CEP152: variants seen among roughly 807,000 people sequenced by gnomAD.
CEP152 encodes the protein centrosomal protein of 152 kDa.
Under a neutral mutation model 188.9 loss-of-function variants are expected in CEP152, and 132 were observed. The observed-to-expected ratio is 0.70, with a 90% CI of 0.61 to 0.81. The LOEUF is 0.81. Ranked by LOEUF, CEP152 falls within the 30% of genes least tolerant of loss-of-function variation. The pLI is 0.00. For missense variants in CEP152, 1,914 were observed against 1,969.8 expected (o/e 0.97, Z 0.54); for synonymous variants, 649 against 666.6 (o/e 0.97, Z 0.41).
At chr15:48,739,709 T>C (rs996103068) in intron 26 of CEP152, among the ~76,000 whole-genome samples, 3 of 152,220 alleles carry the variant, frequency 2.0e-5, no homozygotes, top group African/African-American at 7.2e-5. Context: ...CATACACTTC[T>C]AGAATAGCTA....
chr15:48,788,647 T>C (rs1284683055), intron 9 of CEP152, among the ~76,000 whole-genome samples, 154 bp downstream of exon 9: 1 of 152,040 alleles, frequency 6.6e-6, no homozygotes, highest in Non-Finnish European at 1.5e-5. Context: ...GTCCAGCCAA[T>C]ATCACTGGCT....
chr15:48,771,974 C>T (rs1030835928), intron 13 of CEP152, among the ~76,000 whole-genome samples: 1 of 152,146 alleles, frequency 6.6e-6, no homozygotes, highest in Non-Finnish European at 1.5e-5. Context: ...ACTTTTCCAC[C>T]ACTGTAAAGT....
Position 48,767,436 on chromosome 15 carries a change from A to T in CEP152, c.2046T>A (p.His682Gln). The T allele has an allele frequency of 6.2e-7, 1 of 1,614,146 alleles. No homozygotes were observed. Among genetic ancestry groups the T allele is most frequent in the Non-Finnish European group, 8.5e-7 (1 of 1,180,006 alleles). The part of the protein sequence containing the change: ...DRCERTYQQH[H>Q]EAMKTQIRES... ...CACGTATTTGAGTTTTCATGGCTTC[A>T]TGGTGCTGCTGATAAGTCCTTTCAC... The change falls in exon 16 of 27, where the codon CAT (histidine) becomes CAA (glutamine). Residue 682 changes from histidine to glutamine, a missense_variant. Transcript: ENST00000380950.
Position 48,762,506 on chromosome 15 carries a change from T to G in CEP152, c.2447A>C (p.Gln816Pro). Residue 816 changes from glutamine (Q) to proline (P), a missense_variant, in exon 18 of 27, where the codon CAG (glutamine) becomes CCG (proline). Gln to Pro is a moderately conservative substitution (Grantham distance 76, BLOSUM62 -1). Coordinates refer to ENST00000380950, the MANE Select transcript of CEP152 (RefSeq NM_001194998.2). The part of the protein sequence containing the change: ...KKEMAIMIEE[Q>P]KCTIQQNLEQ... ...TAAGTTTTGCTGGATTGTGCACTTC[T>G]GCTCTTCTATCATAATTGCCATCTC... The G allele has an allele frequency of 6.2e-7, 1 of 1,614,152 alleles. No homozygotes were observed. Among genetic ancestry groups the G allele is most frequent in the Non-Finnish European group, 8.5e-7 (1 of 1,180,018 alleles).
At chr15:48,803,223 A>T (rs1460460272) in intron 2 of CEP152, among the ~76,000 whole-genome samples, 1 of 152,234 alleles carries the variant, frequency 6.6e-6, no homozygotes, top group Non-Finnish European at 1.5e-5. Context: ...TCCCAAAGCT[A>T]CCAACCAGGT....
intron 12 of CEP152, among the ~76,000 whole-genome samples, chr15:48,773,850 G>T (rs1716585091): frequency 6.6e-6 from 1 of 152,052 alleles, no homozygotes. Context: ...GTAATATCTG[G>T]CATCCAAAAC....
At chr15:48,745,135 C>G in intron 22 of CEP152, 143 bp from the exon 23 acceptor site, 1 of 548,090 alleles carries the variant, frequency 1.8e-6, no homozygotes, top group Admixed American at 3.6e-5. Flanking sequence ...CTTAGAAACC[C>G]TACTCAGACC....
intron 14 of CEP152, 46 bp from the exon 15 acceptor site, chr15:48,768,374 A>G: frequency 8.2e-6 from 8 of 981,106 alleles, no homozygotes; most frequent in Non-Finnish European, 1.3e-5. Context: ...AATAAACATC[A>G]TTTTCACTGA....
rs1595648871 is a variant in CEP152 at position 48,771,183 on chromosome 15, G to A, written c.1782+1304C>T. Reference sequence around the variant, plus strand: ...AAGGAGAGCAGCCCTAAAGATCTCTGTGATAGCATGATCTTACAGAAATAT... The same window carrying A: ...AAGGAGAGCAGCCCTAAAGATCTCTATGATAGCATGATCTTACAGAAATAT... On this transcript the variant is annotated intron_variant, in intron 13 of 26. Coordinates refer to ENST00000380950, the MANE Select transcript of CEP152 (RefSeq NM_001194998.2). Among the ~76,000 whole-genome samples the A allele has an allele frequency of 2.0e-5, 3 of 152,164 alleles. 1 individual carries two copies. The South Asian group carries it at 6.2e-4, about 32-fold the overall frequency.
chr15:48,777,837 T>G (rs1224853037), intron 12 of CEP152, among the ~76,000 whole-genome samples: 1 of 152,148 alleles, frequency 6.6e-6, no homozygotes, highest in Non-Finnish European at 1.5e-5. Flanking sequence ...ACCACTGAAA[T>G]AGCACATCCT....
At chr15:48,755,784 GACAAAA>G in intron 20 of CEP152, 113 bp downstream of exon 20, 1 of 1,543,516 alleles carries the variant, frequency 6.5e-7, no homozygotes, top group Non-Finnish European at 8.7e-7. Flanking sequence ...TTAAACCACT[GACAAAA>G]ACATAAGACT....
At chr15:48,796,287 T>TACACAC (rs1321721147) in intron 5 of CEP152, 127 bp from the exon 6 acceptor site, 10 of 692,466 alleles carry the variant, frequency 1.4e-5, no homozygotes, top group African/African-American at 2.0e-5. Context: ...TGTTTATATA[T>TACACAC]ATACACACAC....
chr15:48,789,191 T>C (rs1896858436), intron 8 of CEP152, 190 bp from the exon 9 acceptor site: 10 of 613,280 alleles, frequency 1.6e-5, no homozygotes, highest in South Asian at 9.8e-5. Context: ...TCCAGGCCCA[T>C]AGTTGTTGGA....
At chr15:48,749,483 CAG>C (rs534663840) in intron 21 of CEP152, among the ~76,000 whole-genome samples, 52 of 151,562 alleles carry the variant, frequency 3.4e-4, no homozygotes, top group Admixed American at 9.2e-4. Context: ...GAAAAAAAAA[CAG>C]TAATTATATA....
intron 13 of CEP152, among the ~76,000 whole-genome samples, chr15:48,771,458 G>A (rs775268989): frequency 6.6e-6 from 1 of 152,122 alleles, no homozygotes; most frequent in African/African-American, 2.4e-5. Context: ...AAGAACATGG[G>A]CCAGGAAAAT....
At chr15:48,752,514 A>G in intron 20 of CEP152, 45 bp from the exon 21 acceptor site, 1 of 1,593,964 alleles carries the variant, frequency 6.3e-7, no homozygotes, top group Non-Finnish European at 8.5e-7. Context: ...AAAAATCTTT[A>G]TACAATTTTA....
intron 9 of CEP152, among the ~76,000 whole-genome samples, chr15:48,786,774 A>G (rs1191063806): frequency 1.3e-5 from 2 of 152,238 alleles, no homozygotes; most frequent in East Asian, 3.8e-4. Flanking sequence ...CCGGGGTCTG[A>G]AACCCACCCA....
chr15:48,769,700 CTCA>C (rs778284344), intron 13 of CEP152, among the ~76,000 whole-genome samples: 7 of 152,174 alleles, frequency 4.6e-5, no homozygotes, highest in Admixed American at 6.5e-5. Context: ...TATCCTATTT[CTCA>C]TCATATGTTC....
At position 48,772,670 on chromosome 15, in the gene CEP152, T is replaced by C. The variant is rs764864963; in HGVS notation, c.1599A>G (p.Pro533=). 6.2e-7 allele frequency: 1 copy of C among 1,614,090 alleles called. No homozygotes were observed. The highest frequency in any genetic ancestry group is 8.5e-7 in the Non-Finnish European group (1 of 1,179,998). Residue 533 remains proline, a synonymous_variant, in exon 13 of 27, where the codon CCA becomes CCG. Coordinates refer to ENST00000380950, the MANE Select transcript of CEP152 (RefSeq NM_001194998.2). ...ACTCATCTTTTGAAAGCTCTTCATT[T>C]GGGTCTTCTTCTTGTACAATGCTAA... is the stretch of plus-strand genomic sequence containing the variant. The part of the protein sequence containing the change: ...KVTSIVQEED[P]NEELSKDEFI...
Sources: gnomAD v4.1 joint callset for allele counts (sites outside exome capture counted in the v4.1 genomes callset) on GRCh38, gnomAD v4.1.1 for gene constraint, MANE v1.5 for transcripts, NCBI Gene and HGNC (gene_info 2026-07-23, HGNC 2026-07-21) for gene names.